The following ALG9 variants were observed in gnomAD, a reference collection of about 807,000 sequenced individuals.
ALG9 encodes alpha-1,2-mannosyltransferase ALG9.
A neutral mutation model predicts 81.8 loss-of-function variants in ALG9; 55 were observed. The observed-to-expected ratio is 0.67, with a 90% CI of 0.54 to 0.84. The LOEUF is 0.84. ALG9 is among the 40% of genes least tolerant of loss of function. The pLI, the probability that ALG9 is intolerant of heterozygous loss-of-function variation, is 0.00. For synonymous variants in ALG9, 278 were observed against 274.3 expected (o/e 1.01, Z -0.13); for missense variants, 629 against 745.0 (o/e 0.84, Z 1.81).
intron 4 of ALG9, chr11:111,864,339 C>G: frequency 2.5e-6 from 2 of 785,466 alleles, no homozygotes; most frequent in Non-Finnish European, 4.7e-6. Flanking sequence ...ATAAAAGTTT[C>G]CCAGGCAGCT....
intron 1 of ALG9, 141 bp from the exon 2 acceptor site, chr11:111,870,511 A>G (rs1555157570): frequency 2.6e-6 from 3 of 1,165,462 alleles, no homozygotes; most frequent in Admixed American, 3.7e-5. Context: ...AAAGGTGAAT[A>G]GCTAGTTGTT....
At chr11:111,826,039 C>G (rs1406422740) in intron 13 of ALG9, among the ~76,000 whole-genome samples, 2 of 144,952 alleles carry the variant, frequency 1.4e-5, no homozygotes, top group African/African-American at 2.6e-5. Flanking sequence ...GCACTCCAGC[C>G]TGGGCAACAA....
In ALG9 at chr11:111,871,571, GGACAAAA is replaced by G. The variant is rs1555159318; in HGVS notation, c.-96_-90del. The G allele has an allele frequency of 6.5e-7, 1 of 1,531,786 alleles. No individual in the cohort carries two copies. The highest frequency in any genetic ancestry group is 1.2e-5 in the South Asian group (1 of 83,234). The allele number at this position is 1,531,786 out of a possible 1,614,324, so 94.9% of individuals were successfully genotyped here. Reference sequence around the variant, plus strand: ...TGGCTGGCAAACGGTGTCCGCCGAGGGACAAAAGACCTTGACATGCGCAGAAAATACT... The same window carrying G: ...TGGCTGGCAAACGGTGTCCGCCGAGGGACCTTGACATGCGCAGAAAATACT... On this transcript the variant is annotated 5_prime_UTR_variant, in exon 1 of 15. Transcript: ENST00000616540.
intron 14 of ALG9, among the ~76,000 whole-genome samples, chr11:111,791,647 C>T (rs570457349): frequency 4.5e-4 from 69 of 152,314 alleles, no homozygotes; most frequent in African/African-American, 1.2e-3. Context: ...CTCTACACTC[C>T]GGCCACACCA....
At chr11:111,870,975 G>T (rs934702822) in intron 1 of ALG9, 14 of 1,018,788 alleles carry the variant, frequency 1.4e-5, no homozygotes, top group Non-Finnish European at 1.5e-5. Context: ...AGGTGATGGC[G>T]GGTTGGATGG....
chr11:111,789,404 C>A (rs1565578993), intron 14 of ALG9, among the ~76,000 whole-genome samples: 2 of 151,276 alleles, frequency 1.3e-5, no homozygotes, highest in South Asian at 4.2e-4. Flanking sequence ...GTGTGCCTGG[C>A]TAATTTTTTA....
At chr11:111,809,912 C>G in intron 13 of ALG9, 139 bp from the exon 14 acceptor site, 1 of 955,154 alleles carries the variant, frequency 1.0e-6, no homozygotes. Flanking sequence ...TGCCTATGCT[C>G]TCTCCACTCA....
intron 6 of ALG9, among the ~76,000 whole-genome samples, 182 bp downstream of exon 6, chr11:111,857,420 A>AT (rs1352157955): frequency 3.9e-5 from 6 of 152,256 alleles, no homozygotes; most frequent in Admixed American, 2.6e-4. Context: ...CTCAATGGTC[A>AT]TTATTCTTAT....
At chr11:111,866,741 A>T (rs782247626) in intron 3 of ALG9, among the ~76,000 whole-genome samples, 5 of 151,506 alleles carry the variant, frequency 3.3e-5, no homozygotes, top group Non-Finnish European at 5.9e-5. Flanking sequence ...GCACATTGTT[A>T]GTTTTCTGCT....
At chr11:111,834,113 T>C (rs530992337) in intron 13 of ALG9, among the ~76,000 whole-genome samples, 6 of 152,238 alleles carry the variant, frequency 3.9e-5, no homozygotes, top group African/African-American at 7.2e-5. Context: ...TGGAAAGATA[T>C]GATATCAGAA....
At chr11:111,853,509 T>C in intron 7 of ALG9, 24 bp from the exon 8 acceptor site, 2 of 1,600,566 alleles carry the variant, frequency 1.2e-6, no homozygotes, top group Non-Finnish European at 1.7e-6. Flanking sequence ...GAAAATAGTT[T>C]TGATCTAGAA....
At chr11:111,805,389 C>A (rs1174823740) in intron 14 of ALG9, 6 of 447,950 alleles carry the variant, frequency 1.3e-5, no homozygotes, top group South Asian at 7.9e-5. Flanking sequence ...GAACTAAGAC[C>A]AATGTCAAAA....
intron 14 of ALG9, chr11:111,788,671 T>C: frequency 2.8e-6 from 1 of 356,382 alleles, no homozygotes. Context: ...CATGAGACCA[T>C]AAGCCCAGGA....
chr11:111,779,473 T>C (rs905281057), downstream of ALG9, among the ~76,000 whole-genome samples: 12 of 151,560 alleles, frequency 7.9e-5, no homozygotes, highest in African/African-American at 2.7e-4. Context: ...CACCAAGAAG[T>C]TGCCTCATTT....
the ALG9 span, among the ~76,000 whole-genome samples, chr11:111,772,650 A>G: frequency 1.3e-5 from 2 of 152,356 alleles, no homozygotes; most frequent in East Asian, 1.9e-4. Flanking sequence ...TAATTCATAT[A>G]AAGTGCATAG....
At chr11:111,819,593 T>C (rs188029173) in intron 13 of ALG9, among the ~76,000 whole-genome samples, 45 of 152,374 alleles carry the variant, frequency 3.0e-4, no homozygotes, top group African/African-American at 1.0e-3. Context: ...AAGTAAAATT[T>C]GGTCATAACT....
At chr11:111,788,799 G>A (rs1946889556) in intron 14 of ALG9, among the ~76,000 whole-genome samples, 1 of 152,028 alleles carries the variant, frequency 6.6e-6, no homozygotes. Context: ...CAAATAAGGT[G>A]AAGGGTAAAG....
intron 9 of ALG9, among the ~76,000 whole-genome samples, chr11:111,842,583 G>A (rs945333402): frequency 3.3e-5 from 5 of 151,666 alleles, no homozygotes; most frequent in African/African-American, 1.2e-4. Flanking sequence ...CGCCATGCCC[G>A]GTTAATTTTT....
At position 111,784,006 on chromosome 11, in the gene ALG9, T is replaced by C. The variant is rs1555059772; in HGVS notation, c.*2391A>G. 1 of 151,992 alleles carries C rather than the reference T, an allele frequency of 6.6e-6. No homozygotes were observed. The highest frequency in any genetic ancestry group is 1.5e-5 in the Non-Finnish European group (1 of 68,000). The allele number at this position is 151,992 out of a possible 1,614,324, so 9.4% of individuals were successfully genotyped here. A position where few individuals can be genotyped will look rare whatever the true frequency, so the allele number is the denominator to read the frequency against. ...TTAGAAAAAAGCCATTCATCACAGA[T>C]GGACCTCCATTCCTGGATTCTTATT... is the stretch of plus-strand genomic sequence containing the variant. On this transcript the variant is annotated 3_prime_UTR_variant, in exon 15 of 15. Coordinates refer to ENST00000616540, the MANE Select transcript of ALG9 (RefSeq NM_024740.2).
Sources: allele counts gnomAD v4.1 joint callset (sites outside exome capture counted in the v4.1 genomes callset), GRCh38; gene constraint gnomAD v4.1.1; transcripts MANE v1.5; gene names NCBI Gene and HGNC (gene_info 2026-07-23, HGNC 2026-07-21).